Variants in DKK3 observed in about 807,000 individuals in gnomAD.
DKK3 encodes dickkopf-related protein 3.
A neutral mutation model predicts 33.2 loss-of-function variants in DKK3; 22 were observed. The observed-to-expected ratio is 0.66, with a 90% CI of 0.47 to 0.95. The LOEUF is 0.95. DKK3 is among the 40% of genes least tolerant of loss of function. DKK3 has a pLI of 0.00. For missense variants in DKK3, 398 were observed against 458.4 expected (o/e 0.87, Z 1.20); for synonymous variants, 194 against 188.8 (o/e 1.03, Z -0.23).
At chr11:11,987,867 A>G (rs892031179) in intron 3 of DKK3, among the ~76,000 whole-genome samples, 3 of 152,172 alleles carry the variant, frequency 2.0e-5, no homozygotes, top group Non-Finnish European at 4.4e-5. Context: ...CAAAATAAAC[A>G]TATTTACTGA....
At position 12,008,486 on chromosome 11, in the gene DKK3, T is replaced by C. The variant is rs560326897; in HGVS notation, c.97A>G (p.Lys33Glu). 2.4e-5 allele frequency: 39 copies of C among 1,604,058 alleles called. No individual in the cohort carries two copies. Among genetic ancestry groups the C allele is most frequent in the Middle Eastern group, 3.4e-4 (2 of 5,918 alleles). Reference sequence around the variant, plus strand: ...GGGTAGCTGAGAGCCGGGCCGGGCTTGACTGGAGCCGAGGTCGCCGTCGGA... The same window carrying C: ...GGGTAGCTGAGAGCCGGGCCGGGCTCGACTGGAGCCGAGGTCGCCGTCGGA... ...PAPTATSAPVKPGPALSYPQE... is the reference protein window; with the variant it reads ...PAPTATSAPVEPGPALSYPQE... The change falls in exon 1 of 7, where the codon AAG (lysine) becomes GAG (glutamate). Residue 33 changes from lysine to glutamate, a missense_variant. Physicochemically the swap from Lys to Glu is moderately conservative, Grantham distance 56. Transcript: ENST00000683431. This position sits in a 1 kb window ranked among gnomAD's most constrained non-coding sequence, Gnocchi z 4.6.
At chr11:11,999,573 C>T (rs1313404805) in intron 2 of DKK3, among the ~76,000 whole-genome samples, 2 of 152,124 alleles carry the variant, frequency 1.3e-5, no homozygotes, top group East Asian at 1.9e-4. Flanking sequence ...TGCAGTGAGC[C>T]GAAATCGTGC....
chr11:11,986,110 C>A (rs1192639121), intron 3 of DKK3, among the ~76,000 whole-genome samples: 1 of 152,164 alleles, frequency 6.6e-6, no homozygotes, highest in Non-Finnish European at 1.5e-5. Flanking sequence ...ACCCCAGCCA[C>A]CCGGGTACCC....
chr11:11,964,284 C>G lies in DKK3; in HGVS notation c.*180G>C, dbSNP rs1847526006. 1 of 785,084 alleles carries G rather than the reference C, an allele frequency of 1.3e-6. No homozygotes were observed. The highest frequency in any genetic ancestry group is 2.6e-5 in the Admixed American group (1 of 38,294). 48.6% of individuals were successfully genotyped at this position (785,084 alleles called of 1,614,324 possible). A position where few individuals can be genotyped will look rare whatever the true frequency, so the allele number is the denominator to read the frequency against. ...CTCTCCCAAGCACCAGACTGTGAAGCCTGGAGAACAGCCTGGGGGAGCTGA... is the reference window on the plus strand; with the variant it reads ...CTCTCCCAAGCACCAGACTGTGAAGGCTGGAGAACAGCCTGGGGGAGCTGA... On this transcript the variant is annotated 3_prime_UTR_variant, in exon 7 of 7. Transcript: ENST00000683431.
intron 6 of DKK3, 23 bp downstream of exon 6, chr11:11,965,786 G>C: frequency 2.5e-6 from 4 of 1,611,488 alleles, no homozygotes; most frequent in African/African-American, 2.7e-5. Flanking sequence ...GGCTCCCTGA[G>C]AGTGAGGGTT....
intron 3 of DKK3, chr11:11,994,545 C>T (rs1380785972): frequency 1.3e-5 from 2 of 152,168 alleles, no homozygotes; most frequent in African/African-American, 2.4e-5. Flanking sequence ...GATTGAGTCC[C>T]TCTAGAGGTG....
In DKK3 at chr11:11,964,371, G is replaced by T. The variant is rs1337878874; in HGVS notation, c.*93C>A. On this transcript the variant is annotated 3_prime_UTR_variant, in exon 7 of 7. Coordinates refer to ENST00000683431, the MANE Select transcript of DKK3 (RefSeq NM_001018057.2). ...GGAAACTTACTGGGAAGAAGATGTA[G>T]GAAGAAGCCTGGTCAGCCCACGCCT... The T allele has an allele frequency of 6.8e-7, 1 of 1,474,466 alleles. No individual in the cohort carries two copies. Among genetic ancestry groups the T allele is most frequent in the Non-Finnish European group, 9.1e-7 (1 of 1,099,676 alleles). 91.3% of individuals were successfully genotyped at this position (1,474,466 alleles called of 1,614,324 possible).
upstream of DKK3, chr11:12,009,413 G>T (rs1195927331): frequency 1.3e-5 from 9 of 690,024 alleles, no homozygotes; most frequent in Admixed American, 3.6e-4. Flanking sequence ...ACCCCGCCCC[G>T]CGGAGGGGCC....
intron 3 of DKK3, among the ~76,000 whole-genome samples, chr11:11,992,505 A>G (rs962842991): frequency 1.2e-4 from 18 of 152,194 alleles, no homozygotes; most frequent in African/African-American, 1.9e-4. Context: ...GACTCAGCCC[A>G]TCAGCCGCCT....
chr11:11,967,837 C>G (rs567056719), intron 4 of DKK3, among the ~76,000 whole-genome samples: 1 of 152,344 alleles, frequency 6.6e-6, no homozygotes, highest in African/African-American at 2.4e-5. Flanking sequence ...CTGGCCTCTT[C>G]TTGCCCTGTC....
chr11:11,997,540 A>G (rs1848322998), intron 3 of DKK3, among the ~76,000 whole-genome samples: 2 of 152,090 alleles, frequency 1.3e-5, no homozygotes, highest in Non-Finnish European at 2.9e-5. Context: ...GGGAGAGATG[A>G]TGGACATTGT....
intron 3 of DKK3, among the ~76,000 whole-genome samples, chr11:11,977,482 T>C (rs4586138): frequency 0.15 from 22,774 of 151,572 alleles, 2,162 homozygotes; most frequent in Middle Eastern, 0.41. Context: ...CTGGAGAAGT[T>C]AGACGCATAT....
chr11:11,985,632 A>C (rs989614641), intron 3 of DKK3, among the ~76,000 whole-genome samples: 1 of 152,170 alleles, frequency 6.6e-6, no homozygotes, highest in Non-Finnish European at 1.5e-5. Context: ...TGTAAATCCC[A>C]ACTCTGCCAC....
chr11:12,005,368 G>A (rs937856249), intron 1 of DKK3, among the ~76,000 whole-genome samples: 1 of 152,216 alleles, frequency 6.6e-6, no homozygotes, highest in Admixed American at 6.5e-5. Flanking sequence ...TTTCGTAGAG[G>A]AGGAATGTGA....
At chr11:11,972,334 T>C (rs1847741207) in intron 3 of DKK3, among the ~76,000 whole-genome samples, 1 of 152,160 alleles carries the variant, frequency 6.6e-6, no homozygotes, top group South Asian at 2.1e-4. Context: ...AAGGTCTAAA[T>C]CAACAGGGCC....
chr11:11,973,751 T>C (rs1341924597), intron 3 of DKK3, among the ~76,000 whole-genome samples: 1 of 152,210 alleles, frequency 6.6e-6, no homozygotes, highest in African/African-American at 2.4e-5. Flanking sequence ...TTTGACACTA[T>C]CATGAAATAG....
intron 3 of DKK3, chr11:11,994,574 C>A (rs1020335598): frequency 6.6e-6 from 1 of 152,180 alleles, no homozygotes; most frequent in African/African-American, 2.4e-5. Flanking sequence ...TCCCCTGGTG[C>A]ACTTCTGTTA....
intron 3 of DKK3, among the ~76,000 whole-genome samples, chr11:11,989,560 A>G (rs944107987): frequency 6.6e-6 from 1 of 152,092 alleles, no homozygotes; most frequent in African/African-American, 2.4e-5. Context: ...AGACAGAAAG[A>G]AGAATGGAGG....
chr11:11,968,116 G>A lies in DKK3; in HGVS notation c.528+279C>T, dbSNP rs73413276. Among the ~76,000 whole-genome samples the A allele has an allele frequency of 4.3e-3, 660 of 152,194 alleles. 4 individuals are homozygous for A. Among genetic ancestry groups the A allele is most frequent in the African/African-American group, 0.015 (629 of 41,522 alleles). On this transcript the variant is annotated intron_variant, in intron 4 of 6. Coordinates refer to ENST00000683431, the MANE Select transcript of DKK3 (RefSeq NM_001018057.2). ...ACAGGTGTAGCCACGGTGCCTGGCC[G>A]TCCCTCCCCTTCTCTACCATCAATG...
Sources: allele counts gnomAD v4.1 joint callset (sites outside exome capture counted in the v4.1 genomes callset), GRCh38; gene constraint gnomAD v4.1.1; non-coding constraint Gnocchi (gnomAD v3.1); transcripts MANE v1.5; gene names NCBI Gene and HGNC (gene_info 2026-07-23, HGNC 2026-07-21).